CDR2: variants seen among roughly 807,000 people sequenced by gnomAD.
CDR2 encodes the protein cerebellar degeneration related protein 2, also known as cerebellar degeneration-related protein 2.
A neutral mutation model predicts 48.4 loss-of-function variants in CDR2; 34 were observed. The ratio of observed to expected loss-of-function variants is 0.70; its 90% confidence interval spans 0.53 to 0.94. CDR2 has a LOEUF of 0.94. CDR2 is among the 40% of genes least tolerant of loss of function. The pLI, the probability that CDR2 is intolerant of heterozygous loss-of-function variation, is 0.00. For missense variants in CDR2, 498 were observed against 549.5 expected (o/e 0.91, Z 0.94); for synonymous variants, 240 against 219.7 (o/e 1.09, Z -0.82).
intron 2 of CDR2, among the ~76,000 whole-genome samples, chr16:22,359,323 C>T (rs1375208027): frequency 6.6e-6 from 1 of 152,102 alleles, no homozygotes; most frequent in Non-Finnish European, 1.5e-5. Context: ...GATGGGGTTT[C>T]GCCATCTTGG....
At chr16:22,357,507 G>A (rs769419211) in intron 2 of CDR2, among the ~76,000 whole-genome samples, 1 of 152,202 alleles carries the variant, frequency 6.6e-6, no homozygotes, top group Non-Finnish European at 1.5e-5. Context: ...GATGTCAAGG[G>A]GGATTTAACT....
At chr16:22,362,884 G>A (rs1170783855) in intron 2 of CDR2, among the ~76,000 whole-genome samples, 1 of 151,944 alleles carries the variant, frequency 6.6e-6, no homozygotes, top group African/African-American at 2.4e-5. Context: ...ACCATGCCTA[G>A]CCTAGTTTAA....
intron 2 of CDR2, among the ~76,000 whole-genome samples, chr16:22,358,356 T>C (rs1034118728): frequency 3.3e-5 from 5 of 152,196 alleles, no homozygotes; most frequent in African/African-American, 4.8e-5. Context: ...TGTCAACTTA[T>C]AGCAAAATGC....
At chr16:22,355,928 G>A (rs574551273) in intron 2 of CDR2, among the ~76,000 whole-genome samples, 5 of 152,152 alleles carry the variant, frequency 3.3e-5, no homozygotes, top group South Asian at 2.1e-4. Context: ...TATGTTTGTC[G>A]TAATTTTTTC....
At chr16:22,364,727 G>A (rs1388434883) in intron 2 of CDR2, among the ~76,000 whole-genome samples, 175 bp downstream of exon 2, 1 of 152,166 alleles carries the variant, frequency 6.6e-6, no homozygotes. Context: ...GCCAGGCGTG[G>A]TGGCAGGCGC....
chr16:22,368,083 CAAAAATAA>C (rs1307791846), intron 1 of CDR2, among the ~76,000 whole-genome samples: 1 of 151,156 alleles, frequency 6.6e-6, no homozygotes, highest in Non-Finnish European at 1.5e-5. Context: ...GGCCCTGTCT[CAAAAATAA>C]AAAAATAAAA....
At chr16:22,354,102 T>C (rs975548964) in intron 2 of CDR2, among the ~76,000 whole-genome samples, 32 of 152,226 alleles carry the variant, frequency 2.1e-4, no homozygotes, top group Admixed American at 2.1e-3. Context: ...GAAGATTTAT[T>C]AAAGTGTAAG....
chr16:22,353,331 T>C (rs939035816), intron 2 of CDR2, among the ~76,000 whole-genome samples: 5 of 152,220 alleles, frequency 3.3e-5, no homozygotes, highest in African/African-American at 1.2e-4. Flanking sequence ...GTATAGTAGC[T>C]AAGAGCACAG....
At chr16:22,371,666 C>T (rs1342971328) in intron 1 of CDR2, among the ~76,000 whole-genome samples, 1 of 152,208 alleles carries the variant, frequency 6.6e-6, no homozygotes, top group Non-Finnish European at 1.5e-5. Flanking sequence ...CTTTTATTCA[C>T]ACTGTAGCCT....
intron 1 of CDR2, among the ~76,000 whole-genome samples, chr16:22,372,409 A>G (rs1598298286): frequency 6.6e-6 from 1 of 152,208 alleles, no homozygotes; most frequent in African/African-American, 2.4e-5. Context: ...TTCAACAAAT[A>G]TTAAAATCGA....
intron 2 of CDR2, among the ~76,000 whole-genome samples, chr16:22,362,381 G>C (rs1250528755): frequency 1.3e-5 from 2 of 152,044 alleles, no homozygotes; most frequent in African/African-American, 4.8e-5. Context: ...AATCATCCTC[G>C]ATACCACAGA....
intron 1 of CDR2, among the ~76,000 whole-genome samples, chr16:22,365,742 T>G (rs542328182): frequency 3.4e-4 from 51 of 152,190 alleles, no homozygotes; most frequent in Non-Finnish European, 6.0e-4. Context: ...TATACTCAAC[T>G]CCCAGAAATG....
At chr16:22,368,122 C>T (rs560411143) in intron 1 of CDR2, among the ~76,000 whole-genome samples, 3 of 152,276 alleles carry the variant, frequency 2.0e-5, no homozygotes, top group African/African-American at 7.2e-5. Flanking sequence ...TCCATTAAAT[C>T]TATGAAATAA....
intron 4 of CDR2, 111 bp from the exon 5 acceptor site, chr16:22,347,934 C>T: frequency 9.4e-7 from 1 of 1,062,578 alleles, no homozygotes; most frequent in South Asian, 1.6e-5. Flanking sequence ...GTGACAGTGA[C>T]TAATTTTTTT....
intron 1 of CDR2, among the ~76,000 whole-genome samples, chr16:22,372,796 T>C (rs1007726614): frequency 4.6e-5 from 7 of 152,238 alleles, no homozygotes; most frequent in Non-Finnish European, 8.8e-5. Context: ...CATGTTAATT[T>C]AAGAAATTAT....
In CDR2 at chr16:22,365,019, C is replaced by T; in HGVS notation, c.80-5G>A. The T allele has an allele frequency of 2.6e-6, 4 of 1,554,288 alleles. No individual in the cohort carries two copies. Among genetic ancestry groups the T allele is most frequent in the Non-Finnish European group, 3.6e-6 (4 of 1,125,744 alleles). On this transcript the variant is annotated splice_region_variant and splice_polypyrimidine_tract_variant and intron_variant, in intron 1 of 4. Coordinates refer to ENST00000268383, the MANE Select transcript of CDR2 (RefSeq NM_001802.2). ...GCTCAGCAGCAAGTTGAAGATCTAG[C>T]ACAACAAATGAATCTTAGAATAATA...
chr16:22,363,055 T>A (rs887301827), intron 2 of CDR2, among the ~76,000 whole-genome samples: 1 of 151,506 alleles, frequency 6.6e-6, no homozygotes, highest in Non-Finnish European at 1.5e-5. Context: ...CGGGTTCAAG[T>A]GATTCTCCTG....
chr16:22,346,555 C>G lies in CDR2; in HGVS notation c.*410G>C, dbSNP rs2048905948. 5.7e-6 allele frequency: 1 copy of G among 176,470 alleles called. No homozygotes were observed. The highest frequency in any genetic ancestry group is 1.2e-5 in the Non-Finnish European group (1 of 82,242). The allele number at this position is 176,470 out of a possible 1,614,324, so 10.9% of individuals were successfully genotyped here. On this transcript the variant is annotated 3_prime_UTR_variant, in exon 5 of 5. Transcript: ENST00000268383. ...TGTTTGCAAAGATATTTGAGTTTGA[C>G]AGCCTTCTGACTTTCATCGTTTTGA... is the stretch of plus-strand genomic sequence containing the variant.
intron 2 of CDR2, among the ~76,000 whole-genome samples, chr16:22,359,559 T>C (rs2048998122): frequency 6.6e-6 from 1 of 152,202 alleles, no homozygotes; most frequent in Admixed American, 6.5e-5. Context: ...AAAATATATA[T>C]GCCTCCATAA....
Sources: gnomAD v4.1 joint callset for allele counts (sites outside exome capture counted in the v4.1 genomes callset) on GRCh38, gnomAD v4.1.1 for gene constraint, MANE v1.5 for transcripts, NCBI Gene and HGNC (gene_info 2026-07-23, HGNC 2026-07-21) for gene names.